NDST4: variants seen among roughly 807,000 people sequenced by gnomAD.
The protein encoded by NDST4 is N-heparan sulfate sulfotransferase 4.
A neutral mutation model predicts 100.8 loss-of-function variants in NDST4; 63 were observed. That is an observed-to-expected ratio of 0.62 (90% CI 0.51 to 0.77). The LOEUF (loss-of-function observed/expected upper bound fraction) is 0.77. NDST4 is among the 30% of genes least tolerant of loss of function. The pLI is 0.00. For missense variants in NDST4, 943 were observed against 1,018.4 expected (o/e 0.93, Z 1.01); for synonymous variants, 377 against 361.8 (o/e 1.04, Z -0.48).
chr4:114,900,437 A>G (rs1272118784), intron 6 of NDST4, among the ~76,000 whole-genome samples: 2 of 152,170 alleles, frequency 1.3e-5, no homozygotes, highest in African/African-American at 4.8e-5. Context: ...ACAGTAATGG[A>G]CTACATAACA....
chr4:115,104,129 G>A (rs546874195), intron 1 of NDST4, among the ~76,000 whole-genome samples: 2 of 152,264 alleles, frequency 1.3e-5, no homozygotes, highest in South Asian at 2.1e-4. Flanking sequence ...AAGAATAGGA[G>A]TGAAAGTGGT....
In NDST4 at chr4:115,076,525, C is replaced by T; in HGVS notation, c.512G>A (p.Ser171Asn). Residue 171 changes from serine (S) to asparagine (N), a missense_variant, in exon 2 of 14, where the codon AGC (serine) becomes AAC (asparagine). This residue lies in a region of NDST4 where 417 missense variants were observed against 384.2 expected (regional missense o/e 1.09). Transcript: ENST00000264363. ...IIGFHKANEN[S>N]LPSTQLKGFP... Reference sequence around the variant, plus strand: ...GCCTTTTAATTGTGTACTTGGTAAGCTGTTCTCATTGGCTTTATGAAAACC... The same window carrying T: ...GCCTTTTAATTGTGTACTTGGTAAGTTGTTCTCATTGGCTTTATGAAAACC... 3 of 1,613,998 alleles carry T rather than the reference C, an allele frequency of 1.9e-6. No homozygotes were observed. Among genetic ancestry groups the T allele is most frequent in the African/African-American group, 1.3e-5 (1 of 75,048 alleles).
At chr4:114,980,503 G>T (rs1035112295) in intron 2 of NDST4, among the ~76,000 whole-genome samples, 1 of 151,952 alleles carries the variant, frequency 6.6e-6, no homozygotes, top group Non-Finnish European at 1.5e-5. Context: ...TTAGATGGGC[G>T]TGGTAGTGCA....
chr4:114,934,553 C>CAAA (rs60204040), intron 6 of NDST4, among the ~76,000 whole-genome samples: 1 of 117,328 alleles, frequency 8.5e-6, no homozygotes, highest in African/African-American at 2.9e-5. Flanking sequence ...GACTGCCTCT[C>CAAA]AAAAAAAAAA....
chr4:114,871,943 T>A (rs1039448017), intron 6 of NDST4, among the ~76,000 whole-genome samples: 6 of 152,004 alleles, frequency 3.9e-5, no homozygotes, highest in African/African-American at 7.2e-5. Context: ...AATAATAATA[T>A]TAGAACAAAT....
intron 1 of NDST4, among the ~76,000 whole-genome samples, chr4:115,100,463 T>C (rs1350289396): frequency 6.6e-6 from 1 of 152,034 alleles, no homozygotes; most frequent in Non-Finnish European, 1.5e-5. Flanking sequence ...TAAAGTGCTC[T>C]AAAAAGTTAA....
At chr4:114,994,068 T>C (rs1023854426) in intron 2 of NDST4, among the ~76,000 whole-genome samples, 2 of 152,042 alleles carry the variant, frequency 1.3e-5, no homozygotes, top group Non-Finnish European at 2.9e-5. Context: ...GTATTCTGCT[T>C]TGTAAAAATT....
At chr4:114,876,251 C>A (rs950355968) in intron 6 of NDST4, among the ~76,000 whole-genome samples, 1 of 152,076 alleles carries the variant, frequency 6.6e-6, no homozygotes, top group Admixed American at 6.6e-5. Flanking sequence ...GCTCTGATAG[C>A]GTGCCCCTTT....
chr4:114,958,237 C>T (rs1224586362), intron 4 of NDST4, among the ~76,000 whole-genome samples: 1 of 152,186 alleles, frequency 6.6e-6, no homozygotes, highest in Non-Finnish European at 1.5e-5. Flanking sequence ...GTGGAGGTTC[C>T]CAAAACTTAA....
chr4:114,958,244 T>G (rs1726183073), intron 4 of NDST4, among the ~76,000 whole-genome samples: 1 of 152,218 alleles, frequency 6.6e-6, no homozygotes, highest in Non-Finnish European at 1.5e-5. Flanking sequence ...TTCCCAAAAC[T>G]TAATTCCTGA....
intron 4 of NDST4, among the ~76,000 whole-genome samples, chr4:114,941,035 G>A (rs964080036): frequency 6.6e-6 from 1 of 152,190 alleles, no homozygotes; most frequent in African/African-American, 2.4e-5. Context: ...ACTTTGGGCC[G>A]CAGTCCCAGG....
chr4:114,928,123 TTAAC>T (rs1725422428), intron 6 of NDST4, among the ~76,000 whole-genome samples: 2 of 152,344 alleles, frequency 1.3e-5, no homozygotes, highest in African/African-American at 4.8e-5. Flanking sequence ...AATCTTCATA[TTAAC>T]TAACTTCTTT....
At chr4:114,880,149 TC>T (rs1724336065) in intron 6 of NDST4, among the ~76,000 whole-genome samples, 1 of 152,186 alleles carries the variant, frequency 6.6e-6, no homozygotes, top group South Asian at 2.1e-4. Context: ...GGTGCTTTAC[TC>T]TCTATTTTTC....
chr4:115,069,968 T>G (rs1354139224), intron 2 of NDST4, among the ~76,000 whole-genome samples: 1 of 152,138 alleles, frequency 6.6e-6, no homozygotes, highest in Non-Finnish European at 1.5e-5. Flanking sequence ...TATATACTAT[T>G]GGTTGGAATG....
At chr4:114,949,998 A>G (rs1046259939) in intron 4 of NDST4, among the ~76,000 whole-genome samples, 4 of 152,054 alleles carry the variant, frequency 2.6e-5, no homozygotes, top group African/African-American at 4.8e-5. Context: ...GATTTAGAAG[A>G]TTATAGGAGA....
intron 10 of NDST4, among the ~76,000 whole-genome samples, chr4:114,842,185 G>A (rs1038610007): frequency 6.6e-6 from 1 of 152,032 alleles, no homozygotes; most frequent in African/African-American, 2.4e-5. Context: ...TTACATTTTT[G>A]TTGTCAGCTT....
intron 2 of NDST4, among the ~76,000 whole-genome samples, chr4:115,017,845 T>C (rs1727719981): frequency 6.6e-6 from 1 of 151,942 alleles, no homozygotes; most frequent in Admixed American, 6.6e-5. Context: ...CCCAACCACA[T>C]AGCCTGCTCC....
At chr4:114,962,472 G>A (rs1381299146) in intron 4 of NDST4, among the ~76,000 whole-genome samples, 1 of 151,942 alleles carries the variant, frequency 6.6e-6, no homozygotes, top group Non-Finnish European at 1.5e-5. Context: ...AGGTTTGGAT[G>A]TTACAAGAGC....
chr4:114,912,152 T>G (rs1578383744), intron 6 of NDST4, among the ~76,000 whole-genome samples: 1 of 152,138 alleles, frequency 6.6e-6, no homozygotes, highest in East Asian at 1.9e-4. Flanking sequence ...GATGCTAAGT[T>G]TTTTCAGGAT....
Sources: gnomAD v4.1 joint callset for allele counts (sites outside exome capture counted in the v4.1 genomes callset) on GRCh38, gnomAD v4.1.1 for gene constraint, gnomAD v4.1.1 regional missense constraint, MANE v1.5 for transcripts, NCBI Gene and HGNC (gene_info 2026-07-23, HGNC 2026-07-21) for gene names.